OR3A1: variants seen among roughly 807,000 people sequenced by gnomAD.
The protein encoded by OR3A1 is olfactory receptor family 3 subfamily A member 1.
For missense variants in OR3A1, 402 were observed against 393.8 expected, an observed-to-expected ratio of 1.02 and a Z score of -0.18; for synonymous variants, 145 against 160.0, an observed-to-expected ratio of 0.91 and a Z score of 0.71.
At position 3,291,785 on chromosome 17, in the gene OR3A1, AC is replaced by A; in HGVS notation, c.797del (p.Gly266ValfsTer23). 1.2e-6 allele frequency: 2 copies of A among 1,613,738 alleles called. No homozygotes were observed. Among genetic ancestry groups the A allele is most frequent in the Non-Finnish European group, 1.7e-6 (2 of 1,179,628 alleles). On this transcript the variant is annotated frameshift_variant, in exon 2 of 2. Transcript: ENST00000323404. LOFTEE classifies it low-confidence loss of function (END_TRUNC). ...TATCCTTGTCTGAAAGCTTGGTTGAACCCAGTCGCATATAGTTAAAGATACC... is the reference window on the plus strand; with the variant it reads ...TATCCTTGTCTGAAAGCTTGGTTGAACCAGTCGCATATAGTTAAAGATACC... ...GSGIFNYMRL[G>X]STKLSDKDKA...
intron 1 of OR3A1, among the ~76,000 whole-genome samples, chr17:3,296,867 A>C (rs2048922698): frequency 6.6e-6 from 1 of 152,220 alleles, no homozygotes; most frequent in Non-Finnish European, 1.5e-5. Flanking sequence ...ATTGTGTTAA[A>C]CTTTCAAGGA....
At chr17:3,294,673 C>T (rs2048905508) in intron 1 of OR3A1, among the ~76,000 whole-genome samples, 1 of 151,922 alleles carries the variant, frequency 6.6e-6, no homozygotes, top group Non-Finnish European at 1.5e-5. Flanking sequence ...AAATGGATAG[C>T]CTAGTCAAAA....
chr17:3,292,734 C>T (rs546465248), intron 1 of OR3A1, 146 bp from the exon 2 acceptor site: 3 of 626,892 alleles, frequency 4.8e-6, no homozygotes, highest in Admixed American at 3.0e-5. Context: ...CCTTAGGCCA[C>T]ACTACACTTG....
chr17:3,296,075 C>T (rs986474192), intron 1 of OR3A1, among the ~76,000 whole-genome samples: 1 of 151,890 alleles, frequency 6.6e-6, no homozygotes, highest in African/African-American at 2.4e-5. Context: ...CTTAAAGTGC[C>T]CATGAAACAT....
chr17:3,292,245 A>C lies in OR3A1; in HGVS notation c.338T>G (p.Val113Gly). Residue 113 changes from valine (V) to glycine (G), a missense_variant, in exon 2 of 2, where the codon GTG (valine) becomes GGG (glycine). Transcript: ENST00000323404. ...QLFFFHLFVG[V>G]DCFLLTAMAY... ...CATGGCGGTCAGCAGGAAGCAGTCC[A>C]CTCCAACGAACAGATGGAAGAAGAA... The C allele has an allele frequency of 6.2e-7, 1 of 1,614,066 alleles. No individual in the cohort carries two copies. Among genetic ancestry groups the C allele is most frequent in the Non-Finnish European group, 8.5e-7 (1 of 1,180,012 alleles).
Position 3,292,233 on chromosome 17 carries a change from A to C in OR3A1, c.350T>G (p.Leu117Arg). The change falls in exon 2 of 2, where the codon CTG (leucine) becomes CGG (arginine). Residue 117 changes from leucine to arginine, a missense_variant. Leu to Arg is a moderately radical substitution (Grantham distance 102). Coordinates refer to ENST00000323404, the MANE Select transcript of OR3A1 (RefSeq NM_002550.3). ...FHLFVGVDCF[L>R]LTAMAYDRFL... Reference sequence around the variant, plus strand: ...TCGGTCATAGGCCATGGCGGTCAGCAGGAAGCAGTCCACTCCAACGAACAG... The same window carrying C: ...TCGGTCATAGGCCATGGCGGTCAGCCGGAAGCAGTCCACTCCAACGAACAG... 1.9e-6 allele frequency: 3 copies of C among 1,614,210 alleles called. No homozygotes were observed. The highest frequency in any genetic ancestry group is 2.5e-6 in the Non-Finnish European group (3 of 1,180,026).
In OR3A1 at chr17:3,291,832, CCA is replaced by C; in HGVS notation, c.749_750del (p.Val250GlyfsTer11). On this transcript the variant is annotated frameshift_variant, in exon 2 of 2. Coordinates refer to ENST00000323404, the MANE Select transcript of OR3A1 (RefSeq NM_002550.3). LOFTEE classifies it low-confidence loss of function (END_TRUNC). Reference protein sequence around the residue: ...AFSTCGSHLTVVAIFYGSGIF... With the variant: ...AFSTCGSHLTXVAIFYGSGIF... ...ATACCTGAACCATAGAATATGGCAA[CCA>C]CAGTGAGGTGGGAGCCACATGTGGA... 6.2e-7 allele frequency: 1 copy of C among 1,613,900 alleles called. No individual in the cohort carries two copies. Among genetic ancestry groups the C allele is most frequent in the Non-Finnish European group, 8.5e-7 (1 of 1,179,736 alleles).
chr17:3,294,802 G>C (rs556594261), intron 1 of OR3A1, among the ~76,000 whole-genome samples: 1 of 152,214 alleles, frequency 6.6e-6, no homozygotes, highest in South Asian at 2.1e-4. Flanking sequence ...GCAGTCTCCG[G>C]GGGAAGAAAT....
At chr17:3,296,723 G>A (rs542011483) in intron 1 of OR3A1, among the ~76,000 whole-genome samples, 51 of 152,216 alleles carry the variant, frequency 3.4e-4, no homozygotes, top group African/African-American at 1.1e-3. Flanking sequence ...GTGAAAACTT[G>A]CTCGAGAAAA....
Position 3,291,882 on chromosome 17 carries a change from A to T in OR3A1, c.701T>A (p.Val234Glu), listed in dbSNP as rs1168277509. Residue 234 changes from valine to glutamate, a missense_variant, in exon 2 of 2, where the codon GTA (valine) becomes GAA (glutamate). Physicochemically the swap from Val to Glu is moderately radical, Grantham distance 121 (BLOSUM62 -2). Transcript: ENST00000323404. ...GGAGAAGGCTTTCTTCCTGCCCTCT[A>T]CAGAGCGAATTCGCAGGACTGCAGC... ...VAAAVLRIRS[V>E]EGRKKAFSTC... 6.2e-7 allele frequency: 1 copy of T among 1,614,188 alleles called. No individual in the cohort carries two copies. Among genetic ancestry groups the T allele is most frequent in the Non-Finnish European group, 8.5e-7 (1 of 1,180,028 alleles).
rs778738128 is a variant in OR3A1 at position 3,291,983 on chromosome 17, C to T, written c.600G>A (p.Leu200=). The T allele has an allele frequency of 1.2e-6, 2 of 1,614,220 alleles. No individual in the cohort carries two copies. Among genetic ancestry groups the T allele is most frequent in the South Asian group, 1.1e-5 (1 of 91,086 alleles). ...TTATAAAACCCACAGCAAAAAGCAG[C>T]AGCTCATTGAGTTGGGTGCTGGAGC... ...LSCSSTQLNE[L]LLFAVGFIMA... The change falls in exon 2 of 2, where the codon CTG becomes CTA. Residue 200 remains leucine, a synonymous_variant. Transcript: ENST00000323404.
At chr17:3,296,833 C>T (rs1479941747) in intron 1 of OR3A1, among the ~76,000 whole-genome samples, 1 of 152,172 alleles carries the variant, frequency 6.6e-6, no homozygotes, top group African/African-American at 2.4e-5. Context: ...CAACATTCCG[C>T]CATCCCCACC....
chr17:3,291,858 G>A lies in OR3A1; in HGVS notation c.725C>T (p.Ser242Phe), dbSNP rs776841901. 6.2e-6 allele frequency: 10 copies of A among 1,614,156 alleles called. No homozygotes were observed. Among genetic ancestry groups the A allele is most frequent in the Middle Eastern group, 1.6e-4 (1 of 6,062 alleles). The change falls in exon 2 of 2, where the codon TCC becomes TTC. Residue 242 changes from serine (S) to phenylalanine (F), a missense_variant. By Grantham distance (155) the Ser-to-Phe change is radical. Coordinates refer to ENST00000323404, the MANE Select transcript of OR3A1 (RefSeq NM_002550.3). ...RSVEGRKKAF[S>F]TCGSHLTVVA... ...CACAGTGAGGTGGGAGCCACATGTG[G>A]AGAAGGCTTTCTTCCTGCCCTCTAC...
intron 1 of OR3A1, among the ~76,000 whole-genome samples, chr17:3,296,376 C>T (rs962649983): frequency 2.0e-5 from 3 of 151,874 alleles, no homozygotes; most frequent in African/African-American, 7.3e-5. Context: ...ATGAGTATAT[C>T]CACAACAACG....
Position 3,291,760 on chromosome 17 carries a change from T to TAAA in OR3A1, c.822_823insTTT (p.Asp274_Lys275insPhe), listed in dbSNP as rs542033083. ...ACAGTGTTGAAAATTCCAACAGCTTTATCCTTGTCTGAAAGCTTGGTTGAA... is the reference window on the plus strand; with the variant it reads ...ACAGTGTTGAAAATTCCAACAGCTTTAAAATCCTTGTCTGAAAGCTTGGTTGAA... On this transcript the variant is annotated inframe_insertion, in exon 2 of 2. Coordinates refer to ENST00000323404, the MANE Select transcript of OR3A1 (RefSeq NM_002550.3). 3.2e-4 allele frequency: 513 copies of TAAA among 1,613,888 alleles called. 2 individuals carry two copies. In the South Asian group the frequency reaches 4.9e-3, roughly 15 times the overall value.
Position 3,298,288 on chromosome 17 carries a change from T to C in OR3A1, c.-12A>G, listed in dbSNP as rs948149328. 6.6e-6 allele frequency: 1 copy of C among 152,162 alleles called. No homozygotes were observed. Among genetic ancestry groups the C allele is most frequent in the Non-Finnish European group, 1.5e-5 (1 of 68,042 alleles). 9.4% of individuals were successfully genotyped at this position (152,162 alleles called of 1,614,324 possible). ...CCTCACCTGTAGAGACTCACCTGGA[T>C]TACCACTCTCAGGCATCCAGCTTGA... On this transcript the variant is annotated 5_prime_UTR_variant, in exon 1 of 2. Transcript: ENST00000323404.
chr17:3,294,789 C>G (rs73977626), intron 1 of OR3A1, among the ~76,000 whole-genome samples: 2,141 of 152,214 alleles, frequency 0.014, 34 homozygotes, highest in African/African-American at 0.048. Flanking sequence ...GAAGAACATG[C>G]CTGCAGTCTC....
intron 1 of OR3A1, among the ~76,000 whole-genome samples, chr17:3,294,881 G>A (rs1190713089): frequency 6.6e-6 from 1 of 152,018 alleles, no homozygotes; most frequent in Non-Finnish European, 1.5e-5. Flanking sequence ...AAGTTAAGTT[G>A]GCAATCTGAG....
In OR3A1 at chr17:3,292,172, G is replaced by C. The variant is rs1208135791; in HGVS notation, c.411C>G (p.Thr137=). 1 of 1,614,062 alleles carries C rather than the reference G, an allele frequency of 6.2e-7. No individual in the cohort carries two copies. Among genetic ancestry groups the C allele is most frequent in the African/African-American group, 1.3e-5 (1 of 74,920 alleles). ...TCCTCTGGACTGTCTGACTCATGCG[G>C]GTGCTGTAGGTGAGGGGCCGGCAGA... is the stretch of plus-strand genomic sequence containing the variant. ...LAICRPLTYS[T]RMSQTVQRML... Residue 137 remains threonine, a synonymous_variant, in exon 2 of 2, where the codon ACC becomes ACG. Coordinates refer to ENST00000323404, the MANE Select transcript of OR3A1 (RefSeq NM_002550.3).
Sources: gnomAD v4.1 joint callset for allele counts (sites outside exome capture counted in the v4.1 genomes callset) on GRCh38, gnomAD v4.1.1 for gene constraint, MANE v1.5 for transcripts, NCBI Gene and HGNC (gene_info 2026-07-23, HGNC 2026-07-21) for gene names.